LRRK2: variants seen among roughly 807,000 people sequenced by gnomAD.
LRRK2 encodes the protein leucine-rich repeat serine/threonine-protein kinase 2.
Under a neutral mutation model 302.6 loss-of-function variants are expected in LRRK2, and 203 were observed. That is an observed-to-expected ratio of 0.67 (90% CI 0.60 to 0.75). The LOEUF is 0.75. LRRK2 is among the 30% of genes least tolerant of loss of function. The pLI is 0.00. For missense variants in LRRK2, 2,830 were observed against 2,951.0 expected (o/e 0.96, Z 0.95); for synonymous variants, 1,066 against 1,031.9 (o/e 1.03, Z -0.63).
intron 10 of LRRK2, among the ~76,000 whole-genome samples, chr12:40,252,383 G>T (rs945096006): frequency 6.6e-6 from 1 of 152,086 alleles, no homozygotes; most frequent in Non-Finnish European, 1.5e-5. Context: ...TGAAAACTAT[G>T]CTAAATTGGC....
rs1946261212 is a variant in LRRK2 at position 40,348,503 on chromosome 12, T to A, written c.6375T>A (p.Ser2125=). The change falls in exon 43 of 51, where the codon TCT becomes TCA. Residue 2125 remains serine (S), a synonymous_variant. Transcript: ENST00000298910. The stretch of plus-strand genomic sequence containing the variant: ...AAAATCCTCAAGAAAGGCCTACTTC[T>A]GCCCAGGTATTCTTAAAGTTTTGTT... ...LKENPQERPT[S]AQVFDILNSA... is the part of the protein sequence containing the mutation. 6.2e-7 allele frequency: 1 copy of A among 1,604,012 alleles called. No individual in the cohort carries two copies. Among genetic ancestry groups the A allele is most frequent in the Admixed American group, 1.7e-5 (1 of 59,966 alleles).
intron 8 of LRRK2, among the ~76,000 whole-genome samples, chr12:40,250,750 C>T (rs1468791782): frequency 3.3e-5 from 5 of 152,202 alleles, no homozygotes; most frequent in South Asian, 4.1e-4. Flanking sequence ...TAAGTGAGAA[C>T]ACGCAGTGTG....
intron 20 of LRRK2, among the ~76,000 whole-genome samples, chr12:40,290,093 A>G (rs1944083272): frequency 6.6e-6 from 1 of 151,986 alleles, no homozygotes; most frequent in Admixed American, 6.6e-5. Flanking sequence ...CATCAAATTG[A>G]AGAAGCTTCT....
intron 11 of LRRK2, among the ~76,000 whole-genome samples, chr12:40,253,831 TC>T (rs1246817578): frequency 1.3e-5 from 2 of 152,226 alleles, no homozygotes; most frequent in Non-Finnish European, 2.9e-5. Context: ...TCCTCTGTTT[TC>T]CTTTATACAT....
rs202205832 is a variant in LRRK2 at position 40,367,913 on chromosome 12, T to A, written c.*148T>A. ...AATGTTATTATTTTTAATTTAAATATATGTAAAAATACTTACCAGTAAATG... is the reference window on the plus strand; with the variant it reads ...AATGTTATTATTTTTAATTTAAATAAATGTAAAAATACTTACCAGTAAATG... On this transcript the variant is annotated 3_prime_UTR_variant, in exon 51 of 51. Transcript: ENST00000298910. 1.4e-4 allele frequency: 81 copies of A among 585,468 alleles called. No homozygotes were observed. The highest frequency in any genetic ancestry group is 5.1e-4 in the Middle Eastern group (1 of 1,974). The allele number at this position is 585,468 out of a possible 1,614,324, so 36.3% of individuals were successfully genotyped here.
chr12:40,316,472 T>C, intron 33 of LRRK2: 1 of 372,538 alleles, frequency 2.7e-6, no homozygotes, highest in Non-Finnish European at 3.7e-6. Context: ...TTTACTCAAT[T>C]ATTAAATGAT....
At chr12:40,319,246 C>T (rs1945325602) in intron 33 of LRRK2, among the ~76,000 whole-genome samples, 1 of 152,078 alleles carries the variant, frequency 6.6e-6, no homozygotes, top group East Asian at 1.9e-4. Context: ...CTAAGACAGT[C>T]ACTTTTATTA....
chr12:40,332,053 A>G (rs1477832675), intron 39 of LRRK2, among the ~76,000 whole-genome samples: 1 of 152,218 alleles, frequency 6.6e-6, no homozygotes, highest in Admixed American at 6.5e-5. Flanking sequence ...AAATAAATAG[A>G]TGTCTCTCAG....
chr12:40,283,808 T>G, intron 18 of LRRK2, 67 bp from the exon 19 acceptor site: 2 of 1,384,132 alleles, frequency 1.4e-6, no homozygotes, highest in Non-Finnish European at 2.0e-6. Context: ...TGAAGTTTGA[T>G]TTGCCAGTCT....
intron 41 of LRRK2, among the ~76,000 whole-genome samples, chr12:40,341,848 C>G (rs994474640): frequency 5.3e-5 from 8 of 152,190 alleles, no homozygotes; most frequent in Non-Finnish European, 1.2e-4. Context: ...CTTATTTAAT[C>G]TTCACTATTA....
At chr12:40,272,935 G>A (rs17443656) in intron 14 of LRRK2, among the ~76,000 whole-genome samples, 5,015 of 152,092 alleles carry the variant, frequency 0.033, 233 homozygotes, top group South Asian at 0.12. Context: ...AGAGAGGAGC[G>A]ATTAAGGGAA....
chr12:40,364,863 C>G lies in LRRK2; in HGVS notation c.7203C>G (p.Asn2401Lys). The change falls in exon 49 of 51, where the codon AAC (asparagine) becomes AAG (lysine). Residue 2401 changes from asparagine (N) to lysine (K), a missense_variant. Physicochemically the swap from Asn to Lys is moderately conservative, Grantham distance 94 (BLOSUM62 0). This residue lies in a region of LRRK2 where 456 missense variants were observed against 456.3 expected (regional missense o/e 1.00). Transcript: ENST00000298910. The stretch of plus-strand genomic sequence containing the variant: ...CTAGGGAGGTAATGGTAAAAGAAAA[C>G]AAGGAATCAAAACACAAAATGTCTT... Reference protein sequence around the residue: ...HFLREVMVKENKESKHKMSYS... With the variant: ...HFLREVMVKEKKESKHKMSYS... 6.2e-7 allele frequency: 1 copy of G among 1,611,656 alleles called. No individual in the cohort carries two copies. Among genetic ancestry groups the G allele is most frequent in the Non-Finnish European group, 8.5e-7 (1 of 1,178,534 alleles).
At chr12:40,293,718 T>C (rs1944254173) in intron 21 of LRRK2, 55 bp downstream of exon 21, 2 of 1,193,406 alleles carry the variant, frequency 1.7e-6, no homozygotes, top group Admixed American at 3.4e-5. Flanking sequence ...GACATTCTCT[T>C]GATAACTAAA....
rs1316117423 is a variant in LRRK2 at position 40,322,161 on chromosome 12, C to A, written c.5297C>A (p.Thr1766Lys). ...CATCCAGAGAGTTTCTTAAAAATTACAGTTCCTTCTTGTAGAAAAGGTAAG... is the reference window on the plus strand; with the variant it reads ...CATCCAGAGAGTTTCTTAAAAATTAAAGTTCCTTCTTGTAGAAAAGGTAAG... Reference protein sequence around the residue: ...DNHPESFLKITVPSCRKGCIL... With the variant: ...DNHPESFLKIKVPSCRKGCIL... Residue 1766 changes from threonine (T) to lysine (K), a missense_variant, in exon 36 of 51, where the codon ACA becomes AAA. Around this residue, in one of 3 missense-constraint regions of LRRK2, gnomAD observed 2,121 missense variants for 2,148.0 expected, o/e 0.99. Coordinates refer to ENST00000298910, the MANE Select transcript of LRRK2 (RefSeq NM_198578.4). 2 of 1,611,922 alleles carry A rather than the reference C, an allele frequency of 1.2e-6. No individual in the cohort carries two copies. The highest frequency in any genetic ancestry group is 3.3e-5 in the Admixed American group (2 of 59,856).
Position 40,237,949 on chromosome 12 carries a change from T to A in LRRK2, c.437-20T>A, listed in dbSNP as rs1441530827. The A allele has an allele frequency of 1.9e-6, 3 of 1,604,988 alleles. No homozygotes were observed. In the East Asian group the frequency reaches 6.7e-5, roughly 36 times the overall value. On this transcript the variant is annotated intron_variant, in intron 4 of 50. Coordinates refer to ENST00000298910, the MANE Select transcript of LRRK2 (RefSeq NM_198578.4). ...TTAAAGCAGCTCTTTACTCAGAGCATATTATTCTCTTTAAAATAGGTAAAA... is the reference window on the plus strand; with the variant it reads ...TTAAAGCAGCTCTTTACTCAGAGCAAATTATTCTCTTTAAAATAGGTAAAA...
chr12:40,259,057 G>A (rs1388420726), intron 12 of LRRK2, among the ~76,000 whole-genome samples: 2 of 152,140 alleles, frequency 1.3e-5, no homozygotes, highest in Admixed American at 6.5e-5. Flanking sequence ...AGGAAGGTTC[G>A]TGTGATGTAA....
In LRRK2 at chr12:40,299,143, C is replaced by T; in HGVS notation, c.3382C>T (p.Leu1128=). The T allele has an allele frequency of 6.2e-7, 1 of 1,613,186 alleles. No homozygotes were observed. Among genetic ancestry groups the T allele is most frequent in the Middle Eastern group, 1.7e-4 (1 of 6,054 alleles). ...KISGICSPLR[L]KELKILNLSK... ...ATCAGGGATATGCTCCCCCTTGAGA[C>T]TGAAGGAACTGAAGATTTTAAACCT... The change falls in exon 25 of 51, where the codon CTG becomes TTG. Residue 1128 remains leucine (L), a synonymous_variant. Coordinates refer to ENST00000298910, the MANE Select transcript of LRRK2 (RefSeq NM_198578.4).
At chr12:40,239,367 C>T (rs1009240567) in intron 5 of LRRK2, among the ~76,000 whole-genome samples, 3 of 152,052 alleles carry the variant, frequency 2.0e-5, no homozygotes, top group African/African-American at 4.8e-5. Context: ...ACTAAGCTTT[C>T]GATGACAATT....
rs766169330 is a variant in LRRK2, at chr12:40,287,404, G to A, written c.2554G>A (p.Val852Met). The change falls in exon 20 of 51, where the codon GTG becomes ATG. Residue 852 changes from valine (V) to methionine (M), a missense_variant. This residue lies in a region of LRRK2 where 2,121 missense variants were observed against 2,148.0 expected (regional missense o/e 0.99). Transcript: ENST00000298910. ...MVIRYQMKSA[V>M]EEGTASGSDG... ...GATCAGATATCAGATGAAAAGTGCT[G>A]TGGAAGAAGGAACAGCCTCAGGCAG... is the stretch of plus-strand genomic sequence containing the variant. 3 of 1,612,798 alleles carry A rather than the reference G, an allele frequency of 1.9e-6. No homozygotes were observed.
Sources: gnomAD v4.1 joint callset for allele counts (sites outside exome capture counted in the v4.1 genomes callset) on GRCh38, gnomAD v4.1.1 for gene constraint, gnomAD v4.1.1 regional missense constraint, MANE v1.5 for transcripts, NCBI Gene and HGNC (gene_info 2026-07-23, HGNC 2026-07-21) for gene names.